The following VDAC1 variants were observed in gnomAD, a reference collection of about 807,000 sequenced individuals.
VDAC1 encodes the protein non-selective voltage-gated ion channel VDAC1.
Under a neutral mutation model 34.7 loss-of-function variants are expected in VDAC1, and 10 were observed. The observed-to-expected ratio is 0.29, with a 90% CI of 0.18 to 0.49. The LOEUF is 0.49. Among genes scored for constraint, VDAC1 ranks in the 20% least tolerant of loss-of-function variants. The probability of loss-of-function intolerance (pLI) is 0.99; values close to 1 mark genes in which losing one functional copy is unlikely to be tolerated. For missense variants in VDAC1, 230 were observed against 347.9 expected (o/e 0.66, Z 2.69); for synonymous variants, 130 against 136.0 (o/e 0.96, Z 0.30).
intron 5 of VDAC1, among the ~76,000 whole-genome samples, chr5:133,989,575 G>T (rs911379912): frequency 4.0e-5 from 6 of 151,842 alleles, no homozygotes; most frequent in Non-Finnish European, 8.8e-5. Context: ...GCCCAGGCTG[G>T]TCTCAAACTC....
chr5:134,097,145 A>G, the VDAC1 span, among the ~76,000 whole-genome samples: 1 of 152,260 alleles, frequency 6.6e-6, no homozygotes, highest in South Asian at 2.1e-4. Context: ...CCACAGTCTC[A>G]AACATCCTGT....
the VDAC1 span, among the ~76,000 whole-genome samples, chr5:134,034,908 T>C: frequency 6.6e-6 from 1 of 151,792 alleles, no homozygotes; most frequent in Non-Finnish European, 1.5e-5. Context: ...CAACTGATCG[T>C]AGGGAGAAAA....
chr5:134,093,728 C>A, the VDAC1 span, among the ~76,000 whole-genome samples: 1 of 152,220 alleles, frequency 6.6e-6, no homozygotes, highest in Non-Finnish European at 1.5e-5. Context: ...GGGTACAGGT[C>A]AGCCCTGAGC....
At chr5:134,099,856 T>A in the VDAC1 span, among the ~76,000 whole-genome samples, 1 of 152,368 alleles carries the variant, frequency 6.6e-6, no homozygotes, top group Non-Finnish European at 1.5e-5. Flanking sequence ...GTGCTGGGAT[T>A]GTGGGTGAGA....
chr5:134,085,587 T>A, the VDAC1 span, among the ~76,000 whole-genome samples: 2 of 151,306 alleles, frequency 1.3e-5, no homozygotes, highest in African/African-American at 4.9e-5. Context: ...GCTGCCATAT[T>A]GGTCAACCAT....
At chr5:134,076,882 G>C in the VDAC1 span, among the ~76,000 whole-genome samples, 2 of 152,190 alleles carry the variant, frequency 1.3e-5, no homozygotes, top group Admixed American at 1.3e-4. Context: ...GTGGGCCTCT[G>C]TGGGTACCTA....
chr5:134,003,755 C>T (rs1243108948), intron 1 of VDAC1, among the ~76,000 whole-genome samples: 1 of 152,148 alleles, frequency 6.6e-6, no homozygotes, highest in Non-Finnish European at 1.5e-5. Flanking sequence ...TTTATTATTC[C>T]CCAAAACTCA....
At chr5:134,033,079 C>G in the VDAC1 span, among the ~76,000 whole-genome samples, 1 of 146,526 alleles carries the variant, frequency 6.8e-6, no homozygotes, top group Non-Finnish European at 1.5e-5. Flanking sequence ...GGAGAGGAAA[C>G]GAGAGAGAGG....
the VDAC1 span, among the ~76,000 whole-genome samples, chr5:134,073,261 T>G: frequency 6.6e-6 from 1 of 152,122 alleles, no homozygotes; most frequent in African/African-American, 2.4e-5. Context: ...ACTCTTCAAG[T>G]AAGTAGAGGC....
chr5:134,017,358 C>T, the VDAC1 span, among the ~76,000 whole-genome samples: 1 of 151,848 alleles, frequency 6.6e-6, no homozygotes. Context: ...CCCAGCTACT[C>T]GGGAGGCTGA....
the VDAC1 span, among the ~76,000 whole-genome samples, chr5:134,027,826 A>C: frequency 6.6e-5 from 9 of 137,380 alleles, no homozygotes; most frequent in Admixed American, 1.6e-4. Context: ...GCTGGAGTGC[A>C]GTGGTGTGAT....
At chr5:134,067,617 AAAG>A in the VDAC1 span, among the ~76,000 whole-genome samples, 58,629 of 140,650 alleles carry the variant, frequency 0.42, 13,214 homozygotes, top group Non-Finnish European at 0.5. Flanking sequence ...TTTTTTAAAA[AAAG>A]AAGAAGGAGG....
the VDAC1 span, among the ~76,000 whole-genome samples, chr5:134,028,474 G>T: frequency 6.6e-6 from 1 of 152,166 alleles, no homozygotes; most frequent in African/African-American, 2.4e-5. Flanking sequence ...CTTCCATGTT[G>T]CTATGTAGGC....
the VDAC1 span, among the ~76,000 whole-genome samples, chr5:134,088,514 A>C: frequency 2.2e-4 from 34 of 152,242 alleles, no homozygotes; most frequent in African/African-American, 7.7e-4. Context: ...ACCAGTGGCC[A>C]AAAATGAGAC....
At chr5:134,016,585 T>G in the VDAC1 span, among the ~76,000 whole-genome samples, 9 of 152,362 alleles carry the variant, frequency 5.9e-5, no homozygotes, top group South Asian at 1.9e-3. Flanking sequence ...CCTAAGTGGC[T>G]GGGACTTGAA....
chr5:134,031,915 C>A, the VDAC1 span, among the ~76,000 whole-genome samples: 1 of 147,154 alleles, frequency 6.8e-6, no homozygotes, highest in African/African-American at 2.5e-5. Context: ...TACACCACTG[C>A]ACTCCAGCCT....
At chr5:133,985,917 C>T (rs1370094478) in intron 5 of VDAC1, among the ~76,000 whole-genome samples, 2 of 152,226 alleles carry the variant, frequency 1.3e-5, no homozygotes, top group African/African-American at 4.8e-5. Context: ...GTGTGCACCA[C>T]CTGCACCAGT....
the VDAC1 span, among the ~76,000 whole-genome samples, chr5:134,086,389 C>G: frequency 1.3e-5 from 2 of 152,182 alleles, no homozygotes; most frequent in Non-Finnish European, 2.9e-5. Context: ...AACTTAAACA[C>G]AACCACAGGA....
intron 1 of VDAC1, among the ~76,000 whole-genome samples, chr5:133,996,108 G>A (rs1260926943): frequency 6.6e-6 from 1 of 152,260 alleles, no homozygotes; most frequent in Admixed American, 6.5e-5. Flanking sequence ...ACAGACAGAA[G>A]TCAGAGGGCG....
Sources: gnomAD v4.1 joint callset for allele counts (sites outside exome capture counted in the v4.1 genomes callset) on GRCh38, gnomAD v4.1.1 for gene constraint, MANE v1.5 for transcripts, NCBI Gene and HGNC (gene_info 2026-07-23, HGNC 2026-07-21) for gene names.